The following ADAMTSL1 variants were observed in gnomAD, a reference collection of about 807,000 sequenced individuals.
ADAMTSL1 encodes ADAMTS like 1.
In ADAMTSL1, 126 loss-of-function variants were observed where a neutral mutation model predicts 201.8. The ratio of observed to expected loss-of-function variants is 0.62; its 90% CI spans 0.54 to 0.72. ADAMTSL1 has a LOEUF of 0.72. ADAMTSL1 is among the 30% of genes least tolerant of loss of function. The probability of loss-of-function intolerance (pLI) is 0.00; values close to 1 mark genes in which losing one functional copy is unlikely to be tolerated. For synonymous variants in ADAMTSL1, 1,121 were observed against 903.4 expected (o/e 1.24, Z -4.32); for missense variants, 2,679 against 2,277.8 (o/e 1.18, Z -3.59).
intron 2 of ADAMTSL1, among the ~76,000 whole-genome samples, chr9:18,432,470 G>A (rs530006204): frequency 2.0e-5 from 3 of 152,230 alleles, no homozygotes; most frequent in South Asian, 2.1e-4. Flanking sequence ...TAGTCATATA[G>A]TAGAAATGAG....
chr9:18,015,515 G>C (rs940968794), intron 1 of ADAMTSL1, among the ~76,000 whole-genome samples: 1 of 152,032 alleles, frequency 6.6e-6, no homozygotes, highest in Non-Finnish European at 1.5e-5. Flanking sequence ...CTTTTATTCA[G>C]AGCTGTCTGT....
chr9:18,334,084 C>A (rs1185987137), intron 2 of ADAMTSL1, among the ~76,000 whole-genome samples: 1 of 151,992 alleles, frequency 6.6e-6, no homozygotes, highest in Non-Finnish European at 1.5e-5. Context: ...GAAGTTTGGA[C>A]AAGTTAGTGT....
In ADAMTSL1 at chr9:18,622,124, G is replaced by A. The variant is rs553040138; in HGVS notation, c.475-119G>A. The A allele has an allele frequency of 2.0e-5, 26 of 1,295,872 alleles. No individual in the cohort carries two copies. In the Admixed American group the frequency reaches 2.1e-4, roughly 10 times the overall value. The allele number at this position is 1,295,872 out of a possible 1,614,324, so 80.3% of individuals were successfully genotyped here. A position where few individuals can be genotyped will look rare whatever the true frequency, so the allele number is the denominator to read the frequency against. ...TCCAGTTGAATTCAGTCCCCTTCAC[G>A]GGGTATGTTTTAGGCCCCTCAGGGA... On this transcript the variant is annotated intron_variant, in intron 4 of 28. Coordinates refer to ENST00000380548, the MANE Select transcript of ADAMTSL1 (RefSeq NM_001040272.6).
intron 2 of ADAMTSL1, among the ~76,000 whole-genome samples, chr9:18,447,290 AAG>A (rs1296677323): frequency 5.3e-5 from 8 of 152,196 alleles, no homozygotes; most frequent in Admixed American, 3.3e-4. Flanking sequence ...CTACAGAGCA[AAG>A]AGAGCCTGGA....
chr9:18,224,466 T>C (rs1027397264), intron 2 of ADAMTSL1, among the ~76,000 whole-genome samples: 14 of 152,140 alleles, frequency 9.2e-5, no homozygotes, highest in African/African-American at 3.1e-4. Context: ...GCACTGGAGA[T>C]TACATTTCAA....
intron 7 of ADAMTSL1, among the ~76,000 whole-genome samples, chr9:18,651,794 A>T (rs1478396484): frequency 6.6e-6 from 1 of 152,184 alleles, no homozygotes; most frequent in Non-Finnish European, 1.5e-5. Flanking sequence ...CCTTGAACAT[A>T]ACCTTGCACA....
intron 28 of ADAMTSL1, 112 bp downstream of exon 28, chr9:18,907,024 G>T (rs751098187): frequency 1.6e-6 from 2 of 1,240,730 alleles, no homozygotes; most frequent in Non-Finnish European, 2.3e-6. Flanking sequence ...CTTCCCCAGG[G>T]ATTGTGAGCT....
At chr9:17,920,748 A>C (rs7848357) in intron 1 of ADAMTSL1, among the ~76,000 whole-genome samples, 1 of 152,044 alleles carries the variant, frequency 6.6e-6, no homozygotes, top group Non-Finnish European at 1.5e-5. Context: ...AATAGTGTAA[A>C]TGTTTTAGGC....
At chr9:18,488,969 C>A (rs1354395139) in intron 1 of ADAMTSL1, among the ~76,000 whole-genome samples, 5 of 152,180 alleles carry the variant, frequency 3.3e-5, no homozygotes, top group Non-Finnish European at 7.3e-5. Context: ...TGAATTCACT[C>A]ATAAATGCTT....
chr9:17,981,441 C>T (rs1408730915), intron 1 of ADAMTSL1, among the ~76,000 whole-genome samples: 2 of 152,188 alleles, frequency 1.3e-5, no homozygotes, highest in South Asian at 2.1e-4. Flanking sequence ...AAAGTCACTA[C>T]AGGTCTCTTT....
rs772987950 is a variant in ADAMTSL1 at position 18,483,684 on chromosome 9, G to A, written c.63+9389G>A. Reference sequence around the variant, plus strand: ...CTACTAAAAATACAAAAAATTACCCGGGCATGGTGGCGGGTGCCTGTAGTC... The same window carrying A: ...CTACTAAAAATACAAAAAATTACCCAGGCATGGTGGCGGGTGCCTGTAGTC... On this transcript the variant is annotated intron_variant, in intron 1 of 28. Transcript: ENST00000380548. 3.3e-5 allele frequency among the ~76,000 whole-genome samples: 5 copies of A among 152,036 alleles called. No homozygotes were observed. In the South Asian group the frequency reaches 1.0e-3, roughly 32 times the overall value.
At chr9:18,264,102 C>G (rs984383956) in intron 2 of ADAMTSL1, among the ~76,000 whole-genome samples, 5 of 152,122 alleles carry the variant, frequency 3.3e-5, no homozygotes, top group African/African-American at 9.7e-5. Flanking sequence ...TCTGCTGTGT[C>G]TCCATTACTA....
chr9:18,252,776 A>T (rs1378271016), intron 2 of ADAMTSL1, among the ~76,000 whole-genome samples: 1 of 152,204 alleles, frequency 6.6e-6, no homozygotes, highest in African/African-American at 2.4e-5. Flanking sequence ...GGAAATGAGC[A>T]TCTTAAATGT....
intron 1 of ADAMTSL1, among the ~76,000 whole-genome samples, chr9:18,495,244 T>C (rs1322562684): frequency 1.3e-5 from 2 of 152,074 alleles, no homozygotes; most frequent in African/African-American, 4.8e-5. Context: ...TGAGCAGAAA[T>C]GAAAACATAA....
chr9:18,654,483 C>T (rs1189292446), intron 7 of ADAMTSL1, among the ~76,000 whole-genome samples: 1 of 152,176 alleles, frequency 6.6e-6, no homozygotes, highest in Non-Finnish European at 1.5e-5. Context: ...TGGATACCTA[C>T]TATGTGCCAG....
rs566032195 is a variant in ADAMTSL1 at position 18,125,565 on chromosome 9, A to G, written c.88-38297A>G. 1.0e-3 allele frequency among the ~76,000 whole-genome samples: 154 copies of G among 152,246 alleles called. No individual in the cohort carries two copies. In the Middle Eastern group the frequency reaches 0.014, roughly 13 times the overall value. On this transcript the variant is annotated intron_variant, in intron 1 of 29. Coordinates refer to the ADAMTSL1 transcript ENST00000680146. ...AAGAGTTTTATAATTTTAGCTTTTA[A>G]TTTAGATCTGTGATCCATTTTGAGT...
chr9:18,127,178 A>T (rs1161789584), intron 1 of ADAMTSL1, among the ~76,000 whole-genome samples: 1 of 152,178 alleles, frequency 6.6e-6, no homozygotes, highest in East Asian at 1.9e-4. Context: ...TGTGGAGACA[A>T]CCAGGCCATT....
At chr9:18,485,574 T>A (rs1240963748) in intron 1 of ADAMTSL1, among the ~76,000 whole-genome samples, 1 of 152,226 alleles carries the variant, frequency 6.6e-6, no homozygotes, top group African/African-American at 2.4e-5. Flanking sequence ...TGCTGGCATT[T>A]TTCTGTCTGA....
rs148799191 is a variant in ADAMTSL1, at chr9:18,104,479, C to T, written c.88-59383C>T. Among the ~76,000 whole-genome samples the T allele has an allele frequency of 1.2e-4, 18 of 152,284 alleles. No individual in the cohort carries two copies. In the East Asian group the frequency reaches 3.3e-3, roughly 28 times the overall value. ...TGGTCTGCCAGCTTCCAGTCACCAC[C>T]AGTGCTGCCCATAACCTGCAGGTGG... On this transcript the variant is annotated intron_variant, in intron 1 of 29. Transcript: ENST00000680146.
Sources: gnomAD v4.1 joint callset for allele counts (sites outside exome capture counted in the v4.1 genomes callset) on GRCh38, gnomAD v4.1.1 for gene constraint, MANE v1.5 for transcripts, NCBI Gene and HGNC (gene_info 2026-07-23, HGNC 2026-07-21) for gene names.